The following SPATA6 variants were observed in gnomAD, a reference collection of about 807,000 sequenced individuals.
The protein encoded by SPATA6 is spermatogenesis-associated protein 6.
SPATA6 carries 56 observed loss-of-function variants against 65.3 expected under a neutral mutation model. The observed-to-expected ratio is 0.86, with a 90% CI of 0.69 to 1.07. The LOEUF (loss-of-function observed/expected upper bound fraction) is 1.07. Among genes scored for constraint, SPATA6 ranks in the 50% least tolerant of loss-of-function variants. The pLI is 0.00. For missense variants in SPATA6, 590 were observed against 594.8 expected (o/e 0.99, Z 0.08); for synonymous variants, 199 against 213.2 (o/e 0.93, Z 0.58).
downstream of SPATA6, among the ~76,000 whole-genome samples, chr1:48,295,089 G>C (rs1430856125): frequency 6.6e-6 from 1 of 152,080 alleles, no homozygotes; most frequent in African/African-American, 2.4e-5. Context: ...AATTGATGAG[G>C]CTTGAATGTA....
intron 11 of SPATA6, among the ~76,000 whole-genome samples, chr1:48,311,948 C>A (rs577033522): frequency 1.3e-5 from 2 of 152,210 alleles, no homozygotes. Context: ...GAGGGTCCTA[C>A]GCCCACGGAG....
At chr1:48,399,047 T>C (rs1384282463) in intron 7 of SPATA6, 4 of 240,798 alleles carry the variant, frequency 1.7e-5, no homozygotes, top group Non-Finnish European at 2.4e-5. Flanking sequence ...AGTACTAATG[T>C]CAATTACAAC....
chr1:48,318,631 T>G (rs560792192), intron 11 of SPATA6, among the ~76,000 whole-genome samples: 1 of 152,234 alleles, frequency 6.6e-6, no homozygotes, highest in African/African-American at 2.4e-5. Context: ...ATAAATAAAT[T>G]TTTAAAGTGC....
At chr1:48,316,131 C>T (rs1645409889) in intron 11 of SPATA6, among the ~76,000 whole-genome samples, 1 of 152,086 alleles carries the variant, frequency 6.6e-6, no homozygotes, top group Non-Finnish European at 1.5e-5. Context: ...AGATTCAATG[C>T]CAACCCCATC....
intron 3 of SPATA6, among the ~76,000 whole-genome samples, chr1:48,449,460 CTA>C (rs561490250): frequency 1.1e-3 from 166 of 152,328 alleles, no homozygotes; most frequent in African/African-American, 3.9e-3. Flanking sequence ...AATCAAACCT[CTA>C]TGTCTAATTA....
chr1:48,317,833 T>C (rs1312221316), intron 11 of SPATA6, among the ~76,000 whole-genome samples: 1 of 152,192 alleles, frequency 6.6e-6, no homozygotes, highest in Non-Finnish European at 1.5e-5. Flanking sequence ...TCTTTATTCC[T>C]TTGATACCAA....
intron 7 of SPATA6, among the ~76,000 whole-genome samples, chr1:48,396,200 C>T (rs758410558): frequency 3.3e-5 from 5 of 151,652 alleles, no homozygotes; most frequent in African/African-American, 1.2e-4. Flanking sequence ...ATCATAGTGA[C>T]GTACCCATTA....
intron 9 of SPATA6, among the ~76,000 whole-genome samples, chr1:48,370,080 A>T (rs1266828235): frequency 6.6e-6 from 1 of 152,220 alleles, no homozygotes; most frequent in Non-Finnish European, 1.5e-5. Flanking sequence ...GGCCATAAAA[A>T]TGTTACATTT....
chr1:48,453,269 G>C, intron 1 of SPATA6, 138 bp from the exon 2 acceptor site: 1 of 953,286 alleles, frequency 1.0e-6, no homozygotes, highest in Non-Finnish European at 1.5e-6. Flanking sequence ...AAGAGAGAGA[G>C]ACAGAGACTA....
chr1:48,302,844 A>G (rs2148646395), intron 12 of SPATA6, among the ~76,000 whole-genome samples: 1 of 152,130 alleles, frequency 6.6e-6, no homozygotes, highest in East Asian at 1.9e-4. Context: ...TGCCCCAACC[A>G]GTATTAAAAC....
chr1:48,436,921 T>A, intron 3 of SPATA6: 1 of 1,613,526 alleles, frequency 6.2e-7, no homozygotes, highest in Non-Finnish European at 8.5e-7. Flanking sequence ...TGTGCTTGTC[T>A]CCAGTGGAAC....
chr1:48,359,714 C>CT lies in SPATA6; in HGVS notation c.965dup (p.Tyr323ValfsTer8). On this transcript the variant is annotated frameshift_variant, in exon 10 of 13. Coordinates refer to ENST00000371847, the MANE Select transcript of SPATA6 (RefSeq NM_019073.4). LOFTEE classifies it high-confidence loss of function. ...TACTACACGACCTTGGGCTCAAATACTCTTCACATTTTTCTAAAGAGTCAT... is the reference window on the plus strand; with the variant it reads ...TACTACACGACCTTGGGCTCAAATACTTCTTCACATTTTTCTAAAGAGTCAT... 6.2e-7 allele frequency: 1 copy of CT among 1,613,606 alleles called. No homozygotes were observed. Among genetic ancestry groups the CT allele is most frequent in the Non-Finnish European group, 8.5e-7 (1 of 1,179,764 alleles).
chr1:48,364,099 A>G (rs1019987554), intron 9 of SPATA6, among the ~76,000 whole-genome samples: 3 of 151,958 alleles, frequency 2.0e-5, no homozygotes, highest in East Asian at 1.9e-4. Flanking sequence ...ATGATTTCCA[A>G]TTTCATCCAT....
intron 3 of SPATA6, among the ~76,000 whole-genome samples, chr1:48,421,645 A>G (rs531663662): frequency 6.6e-6 from 1 of 152,272 alleles, no homozygotes; most frequent in Non-Finnish European, 1.5e-5. Flanking sequence ...TCACTTTACT[A>G]TATATCAACC....
intron 4 of SPATA6, among the ~76,000 whole-genome samples, chr1:48,412,556 T>C (rs1453700049): frequency 1.3e-5 from 2 of 152,224 alleles, no homozygotes; most frequent in Non-Finnish European, 2.9e-5. Flanking sequence ...TCTACTGACA[T>C]TTTACACATA....
chr1:48,406,801 T>C (rs1204180468), intron 5 of SPATA6, among the ~76,000 whole-genome samples: 1 of 152,182 alleles, frequency 6.6e-6, no homozygotes, highest in Non-Finnish European at 1.5e-5. Context: ...AAAAACCCTA[T>C]GATATCGCCA....
chr1:48,362,126 C>T (rs540376915), intron 9 of SPATA6, among the ~76,000 whole-genome samples: 2 of 152,212 alleles, frequency 1.3e-5, no homozygotes, highest in African/African-American at 2.4e-5. Flanking sequence ...AGGTAGCTCA[C>T]ATCTGTAGTC....
chr1:48,313,817 A>C (rs538677540), intron 11 of SPATA6, among the ~76,000 whole-genome samples: 2 of 152,330 alleles, frequency 1.3e-5, no homozygotes, highest in South Asian at 2.1e-4. Context: ...GTGCAGAGAC[A>C]CACATAGGCT....
intron 3 of SPATA6, among the ~76,000 whole-genome samples, chr1:48,443,403 T>G (rs1253424056): frequency 2.0e-5 from 3 of 152,186 alleles, no homozygotes; most frequent in Admixed American, 6.5e-5. Context: ...CTTATAGGGT[T>G]AGAAATGGCC....
Sources: allele counts gnomAD v4.1 joint callset (sites outside exome capture counted in the v4.1 genomes callset), GRCh38; gene constraint gnomAD v4.1.1; transcripts MANE v1.5; gene names NCBI Gene and HGNC (gene_info 2026-07-23, HGNC 2026-07-21).